The following SEC24D variants were observed in gnomAD, a reference collection of about 807,000 sequenced individuals.
SEC24D encodes protein transport protein Sec24D.
SEC24D carries 69 observed loss-of-function variants against 116.9 expected under a neutral mutation model. The ratio of observed to expected loss-of-function variants is 0.59; its 90% CI spans 0.49 to 0.72. SEC24D has a LOEUF of 0.72. Among genes scored for constraint, SEC24D ranks in the 30% least tolerant of loss-of-function variants. SEC24D has a pLI of 0.00. For synonymous variants in SEC24D, 405 were observed against 442.8 expected (o/e 0.91, Z 1.07); for missense variants, 1,131 against 1,264.1 (o/e 0.89, Z 1.60).
chr4:118,818,215 A>G (rs866003897), intron 3 of SEC24D, among the ~76,000 whole-genome samples: 8 of 152,186 alleles, frequency 5.3e-5, no homozygotes, highest in Non-Finnish European at 1.2e-4. Context: ...CACATTATAA[A>G]TTCTTATGAA....
chr4:118,784,535 A>G (rs1728576469), intron 8 of SEC24D, among the ~76,000 whole-genome samples: 1 of 152,218 alleles, frequency 6.6e-6, no homozygotes, highest in Admixed American at 6.5e-5. Flanking sequence ...AGGATAAAGG[A>G]AAGTGATCTT....
intron 8 of SEC24D, among the ~76,000 whole-genome samples, chr4:118,776,093 A>T (rs1728117941): frequency 7.4e-6 from 1 of 135,412 alleles, no homozygotes. Context: ...GGAGTTAGGG[A>T]GGGGAAAACT....
intron 19 of SEC24D, among the ~76,000 whole-genome samples, chr4:118,733,723 C>G (rs1725817680): frequency 6.6e-6 from 1 of 152,164 alleles, no homozygotes; most frequent in South Asian, 2.1e-4. Context: ...AAATCAAACT[C>G]CTACAATTCC....
At chr4:118,815,797 G>A (rs1220384173) in intron 4 of SEC24D, 71 bp from the exon 5 acceptor site, 1 of 1,507,728 alleles carries the variant, frequency 6.6e-7, no homozygotes, top group East Asian at 2.3e-5. Flanking sequence ...CAAAGTACAT[G>A]ACAGAGATGT....
At chr4:118,735,322 G>A (rs539569001) in intron 19 of SEC24D, among the ~76,000 whole-genome samples, 11 of 152,292 alleles carry the variant, frequency 7.2e-5, no homozygotes, top group Middle Eastern at 6.8e-3. Context: ...GGAAGAAAAT[G>A]TGGCCATGGA....
intron 22 of SEC24D, among the ~76,000 whole-genome samples, chr4:118,725,853 C>T (rs1725383397): frequency 1.3e-5 from 2 of 152,082 alleles, no homozygotes. Context: ...GTGGTATTGG[C>T]CTGTCTTGAC....
At chr4:118,792,858 CT>C (rs1728993093) in intron 8 of SEC24D, among the ~76,000 whole-genome samples, 1 of 152,156 alleles carries the variant, frequency 6.6e-6, no homozygotes. Context: ...CCAAATCCCC[CT>C]CTCCGAGAAA....
chr4:118,761,778 T>C (rs1458654948), intron 10 of SEC24D, among the ~76,000 whole-genome samples: 1 of 152,236 alleles, frequency 6.6e-6, no homozygotes, highest in Non-Finnish European at 1.5e-5. Flanking sequence ...TGTGAAACTA[T>C]TTCTGCTCAC....
Position 118,819,306 on chromosome 4 carries a change from C to T in SEC24D, c.249-1894G>A, listed in dbSNP as rs569781693. On this transcript the variant is annotated intron_variant, in intron 3 of 22. Coordinates refer to ENST00000280551, the MANE Select transcript of SEC24D (RefSeq NM_014822.4). ...CAGCACTTTGGGAGGCCGAGGAGGG[C>T]GGATCACGAGGTCAGGAGATCGAGA... 1.5e-4 allele frequency among the ~76,000 whole-genome samples: 23 copies of T among 151,860 alleles called. No homozygotes were observed. In the East Asian group the frequency reaches 3.7e-3, roughly 24 times the overall value.
At chr4:118,764,200 AT>A (rs999625113) in intron 10 of SEC24D, among the ~76,000 whole-genome samples, 2 of 152,208 alleles carry the variant, frequency 1.3e-5, no homozygotes, top group East Asian at 3.9e-4. Flanking sequence ...AGAAAGCTAA[AT>A]TTTTTTTAAT....
chr4:118,765,960 A>C (rs535270043), intron 9 of SEC24D, among the ~76,000 whole-genome samples: 6 of 152,312 alleles, frequency 3.9e-5, no homozygotes, highest in African/African-American at 1.4e-4. Flanking sequence ...ACTTCTTGAA[A>C]AGATTACATA....
intron 2 of SEC24D, among the ~76,000 whole-genome samples, chr4:118,832,664 T>C (rs1730913521): frequency 6.6e-6 from 1 of 152,204 alleles, no homozygotes; most frequent in African/African-American, 2.4e-5. Context: ...TCAGTTTTCC[T>C]AGCTGCAAAA....
rs1730117460 is a variant in SEC24D, at chr4:118,815,715, C to A, written c.409G>T (p.Ala137Ser). ...MQINSYGSGMAPPSQGPPGPL... is the reference protein window; with the variant it reads ...MQINSYGSGMSPPSQGPPGPL... The stretch of plus-strand genomic sequence containing the variant: ...CCAGGGGGTCCCTGGCTTGGAGGAG[C>A]CATGCCTGAACCTGTGTGAGAAAGG... The change falls in exon 5 of 23, where the codon GCT (alanine) becomes TCT (serine). Residue 137 changes from alanine to serine, a missense_variant. Ala to Ser is a moderately conservative substitution (Grantham distance 99). Coordinates refer to ENST00000280551, the MANE Select transcript of SEC24D (RefSeq NM_014822.4). The A allele has an allele frequency of 6.2e-7, 1 of 1,613,680 alleles. No individual in the cohort carries two copies. The highest frequency in any genetic ancestry group is 8.5e-7 in the Non-Finnish European group (1 of 1,179,974).
At chr4:118,776,083 G>A (rs1728117428) in intron 8 of SEC24D, among the ~76,000 whole-genome samples, 1 of 151,658 alleles carries the variant, frequency 6.6e-6, no homozygotes, top group African/African-American at 2.4e-5. Context: ...AGATAGGGAA[G>A]GAGTTAGGGA....
intron 10 of SEC24D, among the ~76,000 whole-genome samples, chr4:118,764,215 AT>A (rs1358864265): frequency 1.3e-5 from 2 of 152,148 alleles, no homozygotes; most frequent in African/African-American, 4.8e-5. Context: ...TTTTAATTTA[AT>A]TTTTTAGAAA....
intron 13 of SEC24D, among the ~76,000 whole-genome samples, chr4:118,751,431 G>A (rs1005537509): frequency 1.3e-5 from 2 of 152,154 alleles, no homozygotes; most frequent in African/African-American, 4.8e-5. Context: ...GCCTGCCTCA[G>A]CCTCCCAAGG....
intron 6 of SEC24D, among the ~76,000 whole-genome samples, chr4:118,809,270 C>G (rs1167873574): frequency 6.6e-6 from 1 of 151,916 alleles, no homozygotes. Flanking sequence ...CCTCACCCAG[C>G]CTACAGAAAG....
At chr4:118,808,153 G>A (rs1442261808) in intron 6 of SEC24D, among the ~76,000 whole-genome samples, 1 of 152,098 alleles carries the variant, frequency 6.6e-6, no homozygotes, top group Non-Finnish European at 1.5e-5. Context: ...TAGAGATGGG[G>A]TCTAACTTTG....
At chr4:118,744,311 GTCA>G (rs1726387638) in intron 14 of SEC24D, among the ~76,000 whole-genome samples, 153 bp from the exon 15 acceptor site, 1 of 152,160 alleles carries the variant, frequency 6.6e-6, no homozygotes, top group African/African-American at 2.4e-5. Context: ...ACACACTGTG[GTCA>G]TCATCAGTGC....
Sources: allele counts gnomAD v4.1 joint callset (sites outside exome capture counted in the v4.1 genomes callset), GRCh38; gene constraint gnomAD v4.1.1; transcripts MANE v1.5; gene names NCBI Gene and HGNC (gene_info 2026-07-23, HGNC 2026-07-21).